The following DIP2C variants were observed in gnomAD, a reference collection of about 807,000 sequenced individuals.
DIP2C encodes the protein DIP2 acetate--CoA ligase C (putative).
DIP2C carries 33 observed loss-of-function variants against 192.4 expected under a neutral mutation model. The ratio of observed to expected loss-of-function variants is 0.17; its 90% CI spans 0.13 to 0.23. DIP2C has a LOEUF of 0.23. DIP2C is among the 10% of genes least tolerant of loss of function. DIP2C has a pLI of 1.00. For synonymous variants in DIP2C, 979 were observed against 864.1 expected (o/e 1.13, Z -2.33); for missense variants, 1,537 against 2,110.1 (o/e 0.73, Z 5.32).
At chr10:544,656 G>A (rs1848183210) in intron 1 of DIP2C, among the ~76,000 whole-genome samples, 1 of 151,992 alleles carries the variant, frequency 6.6e-6, no homozygotes, top group South Asian at 2.1e-4. Context: ...ATCTCACGGT[G>A]GTTTTCATTT....
At chr10:439,635 A>G (rs1284176423) in intron 4 of DIP2C, among the ~76,000 whole-genome samples, 2 of 152,138 alleles carry the variant, frequency 1.3e-5, no homozygotes, top group Non-Finnish European at 2.9e-5. Context: ...AAACAAACAA[A>G]AAACAACAAA....
intron 29 of DIP2C, among the ~76,000 whole-genome samples, chr10:329,898 G>A (rs1957428671): frequency 6.6e-6 from 1 of 152,044 alleles, no homozygotes; most frequent in African/African-American, 2.4e-5. Context: ...TGCGACATCA[G>A]CAAACTGGAT....
In DIP2C at chr10:283,544, G is replaced by A. The variant is rs1047143536; in HGVS notation, c.4120-98C>T. 12 of 1,412,132 alleles carry A rather than the reference G, an allele frequency of 8.5e-6. No homozygotes were observed. In the African/African-American group the frequency reaches 1.1e-4, roughly 13 times the overall value. The allele number at this position is 1,412,132 out of a possible 1,614,324, so 87.5% of individuals were successfully genotyped here. A position where few individuals can be genotyped will look rare whatever the true frequency, so the allele number is the denominator to read the frequency against. ...GACAATTCAGTACATTATATTCAGT[G>A]ATAGTAAACGTTTCCTTGGACTGAA... is the stretch of plus-strand genomic sequence containing the variant. On this transcript the variant is annotated intron_variant, in intron 34 of 36. Coordinates refer to ENST00000280886, the MANE Select transcript of DIP2C (RefSeq NM_014974.3).
At chr10:587,057 G>A (rs1364786603) in intron 1 of DIP2C, among the ~76,000 whole-genome samples, 3 of 142,216 alleles carry the variant, frequency 2.1e-5, no homozygotes, top group Admixed American at 7.0e-5. Flanking sequence ...ACAGCGTGGC[G>A]AGGGGCAAAC....
intron 1 of DIP2C, among the ~76,000 whole-genome samples, chr10:530,758 A>G (rs1202833744): frequency 1.3e-5 from 2 of 152,060 alleles, no homozygotes; most frequent in African/African-American, 4.8e-5. Flanking sequence ...GTCAGACGAG[A>G]TGGACTCTCT....
chr10:324,119 A>G (rs184390637), intron 31 of DIP2C, among the ~76,000 whole-genome samples: 1 of 152,020 alleles, frequency 6.6e-6, no homozygotes, highest in Non-Finnish European at 1.5e-5. Context: ...GTGGCACTCT[A>G]TCCTCTCACT....
chr10:487,580 T>TGTTTGTTTG (rs1564778088), intron 1 of DIP2C, among the ~76,000 whole-genome samples: 7 of 133,578 alleles, frequency 5.2e-5, no homozygotes, highest in Admixed American at 7.6e-5. Context: ...TTTTTTTTTT[T>TGTTTGTTTG]TTTTTTTTTT....
At chr10:625,079 C>T (rs1170707031) in intron 1 of DIP2C, among the ~76,000 whole-genome samples, 1 of 152,194 alleles carries the variant, frequency 6.6e-6, no homozygotes, top group Non-Finnish European at 1.5e-5. Context: ...TCATTTTAGA[C>T]GCAGGTGCCT....
At position 321,243 on chromosome 10, in the gene DIP2C, C is replaced by T. The variant is rs149634319; in HGVS notation, c.3924+5763G>A. On this transcript the variant is annotated intron_variant, in intron 31 of 36. Transcript: ENST00000280886. ...AAGTCAGCACTGGAAAAACTGCATG[C>T]GGCTTCGCCCTTGAGGATGCAGCAC... Among the ~76,000 whole-genome samples the T allele has an allele frequency of 4.6e-3, 704 of 152,354 alleles. 5 individuals are homozygous for T. Among genetic ancestry groups the T allele is most frequent in the African/African-American group, 0.016 (674 of 41,582 alleles).
intron 1 of DIP2C, among the ~76,000 whole-genome samples, chr10:688,060 C>T (rs964054316): frequency 1.3e-5 from 2 of 152,210 alleles, no homozygotes; most frequent in Non-Finnish European, 2.9e-5. Flanking sequence ...ATCAGATAAC[C>T]AGGGTGGGCC....
Position 458,882 on chromosome 10 carries a change from C to T in DIP2C, c.268+13557G>A, listed in dbSNP as rs146914209. On this transcript the variant is annotated intron_variant, in intron 3 of 36. Transcript: ENST00000280886. ...CACCTGCACATTTGCTGAAAGAATA[C>T]TAGAACACAAGTCTATTTCCAAAAC... is the stretch of plus-strand genomic sequence containing the variant. Among the ~76,000 whole-genome samples, 588 of 151,756 alleles carry T rather than the reference C, an allele frequency of 3.9e-3. 6 individuals carry two copies. Among genetic ancestry groups the T allele is most frequent in the African/African-American group, 0.014 (561 of 41,340 alleles).
chr10:376,993 ATTAAG>A (rs1379413730), intron 17 of DIP2C, among the ~76,000 whole-genome samples: 1 of 152,200 alleles, frequency 6.6e-6, no homozygotes, highest in Non-Finnish European at 1.5e-5. Context: ...CAGCCAATAT[ATTAAG>A]TTATGAGTTG....
Position 396,829 on chromosome 10 carries a change from G to T in DIP2C, c.1260+2280C>A, listed in dbSNP as rs918260404. ...GGAGTGCTGGCTGCAAATCCGGTGG[G>T]GGGGGGGGAAACTGGCTGCAAATCC... On this transcript the variant is annotated intron_variant, in intron 10 of 36. Coordinates refer to ENST00000280886, the MANE Select transcript of DIP2C (RefSeq NM_014974.3). Among the ~76,000 whole-genome samples, 20 of 64,968 alleles carry T rather than the reference G, an allele frequency of 3.1e-4. No homozygotes were observed. The East Asian group carries it at 3.6e-3, about 12-fold the overall frequency. 42.6% of individuals were successfully genotyped at this position (64,968 alleles called of 152,430 possible). A position where few individuals can be genotyped will look rare whatever the true frequency, so the allele number is the denominator to read the frequency against.
At chr10:592,933 T>TA (rs1480000132) in intron 1 of DIP2C, among the ~76,000 whole-genome samples, 11 of 152,190 alleles carry the variant, frequency 7.2e-5, no homozygotes, top group Non-Finnish European at 1.3e-4. Context: ...ATTTTTGGTT[T>TA]TTAAACACGA....
chr10:598,790 C>CAA (rs2131682741), intron 1 of DIP2C, among the ~76,000 whole-genome samples: 1 of 152,366 alleles, frequency 6.6e-6, no homozygotes, highest in Admixed American at 6.5e-5. Flanking sequence ...GGCATCTGAG[C>CAA]AGAAGGCCTG....
At position 512,384 on chromosome 10, in the gene DIP2C, C is replaced by T. The variant is rs1331651017; in HGVS notation, c.86-25854G>A. Among the ~76,000 whole-genome samples the T allele has an allele frequency of 2.6e-5, 4 of 151,922 alleles. No individual in the cohort carries two copies. The South Asian group carries it at 8.3e-4, about 32-fold the overall frequency. On this transcript the variant is annotated intron_variant, in intron 1 of 36. Coordinates refer to ENST00000280886, the MANE Select transcript of DIP2C (RefSeq NM_014974.3). Reference sequence around the variant, plus strand: ...GACCAGCCTGGGAAACATGGCAAAACCCTGTCTCTACTAAAAATAAAAAAT... The same window carrying T: ...GACCAGCCTGGGAAACATGGCAAAATCCTGTCTCTACTAAAAATAAAAAAT...
intron 1 of DIP2C, among the ~76,000 whole-genome samples, chr10:632,486 G>A (rs1351352141): frequency 2.6e-5 from 2 of 77,046 alleles, no homozygotes; most frequent in Admixed American, 1.2e-4. Context: ...TGGAGACCAC[G>A]CGGGCACCGG....
chr10:369,339 A>C (rs1960678447), intron 18 of DIP2C, among the ~76,000 whole-genome samples, 155 bp downstream of exon 18: 1 of 152,244 alleles, frequency 6.6e-6, no homozygotes, highest in Admixed American at 6.5e-5. Context: ...CAAATGTCTG[A>C]AGCCTAACAA....
chr10:535,383 G>T (rs541555535), intron 1 of DIP2C, among the ~76,000 whole-genome samples: 1 of 151,856 alleles, frequency 6.6e-6, no homozygotes, highest in African/African-American at 2.4e-5. Context: ...CACGCTTCTC[G>T]GGGGGCATTT....
Sources: allele counts gnomAD v4.1 joint callset (sites outside exome capture counted in the v4.1 genomes callset), GRCh38; gene constraint gnomAD v4.1.1; transcripts MANE v1.5; gene names NCBI Gene and HGNC (gene_info 2026-07-23, HGNC 2026-07-21).